Variants in AFF3 observed in about 807,000 individuals in gnomAD.
AFF3 encodes ALF transcription elongation factor 3.
A neutral mutation model predicts 129.7 loss-of-function variants in AFF3; 32 were observed. That is an observed-to-expected ratio of 0.25 (90% CI 0.19 to 0.33). The LOEUF (loss-of-function observed/expected upper bound fraction) is 0.33. Ranked by LOEUF, AFF3 falls within the 10% of genes least tolerant of loss-of-function variation. The pLI, the probability that AFF3 is intolerant of heterozygous loss-of-function variation, is 1.00. For synonymous variants in AFF3, 644 were observed against 635.4 expected, an observed-to-expected ratio of 1.01 and a Z score of -0.20; for missense variants, 1,373 against 1,592.0, an observed-to-expected ratio of 0.86 and a Z score of 2.34.
intron 4 of AFF3, among the ~76,000 whole-genome samples, chr2:100,061,173 T>A (rs1045139652): frequency 6.6e-6 from 1 of 152,196 alleles, no homozygotes. Context: ...TCTAAGTTAC[T>A]TTCTTTCCTT....
Position 99,963,369 on chromosome 2 carries a change from T to C in AFF3, c.873+43263A>G, listed in dbSNP as rs116577482. Among the ~76,000 whole-genome samples, 581 of 152,242 alleles carry C rather than the reference T, an allele frequency of 3.8e-3. 5 individuals carry two copies. Among genetic ancestry groups the C allele is most frequent in the African/African-American group, 0.013 (545 of 41,552 alleles). Reference sequence around the variant, plus strand: ...TAAAAGAACATCAGAATGGCTAAAATTGATGGTTGAAGCAAAAATTATTGC... The same window carrying C: ...TAAAAGAACATCAGAATGGCTAAAACTGATGGTTGAAGCAAAAATTATTGC... On this transcript the variant is annotated intron_variant, in intron 7 of 24. Transcript: ENST00000672756.
chr2:99,891,415 C>T (rs1304625134), intron 7 of AFF3, among the ~76,000 whole-genome samples: 5 of 152,102 alleles, frequency 3.3e-5, no homozygotes, highest in Non-Finnish European at 7.3e-5. Flanking sequence ...GTCAAAGCTT[C>T]AAAATGCAGA....
intron 8 of AFF3, among the ~76,000 whole-genome samples, chr2:99,803,660 C>T (rs1338614959): frequency 6.6e-6 from 1 of 152,170 alleles, no homozygotes; most frequent in Admixed American, 6.5e-5. Context: ...CCAGAGGCAT[C>T]ACACGACATG....
intron 4 of AFF3, among the ~76,000 whole-genome samples, chr2:100,029,866 A>C (rs1559071245): frequency 6.6e-6 from 1 of 152,092 alleles, no homozygotes; most frequent in Non-Finnish European, 1.5e-5. Context: ...GGAGTTTCAG[A>C]CCAGCCTGAG....
At chr2:99,932,698 T>A (rs920417251) in intron 7 of AFF3, among the ~76,000 whole-genome samples, 5 of 152,158 alleles carry the variant, frequency 3.3e-5, no homozygotes, top group Non-Finnish European at 7.3e-5. Context: ...AGGGACTGCG[T>A]CTTGAATTCA....
chr2:99,811,100 T>C (rs1406444950), intron 8 of AFF3, among the ~76,000 whole-genome samples: 4 of 152,218 alleles, frequency 2.6e-5, no homozygotes, highest in Non-Finnish European at 5.9e-5. Flanking sequence ...GATTAGGACA[T>C]GGGAGGGACG....
chr2:99,743,295 AT>A (rs1680874151), intron 10 of AFF3, among the ~76,000 whole-genome samples: 1 of 152,152 alleles, frequency 6.6e-6, no homozygotes, highest in Non-Finnish European at 1.5e-5. Context: ...TCTCCGGCCC[AT>A]TTGCCTCACA....
At chr2:100,106,150 C>T in intron 2 of AFF3, 7 of 1,227,212 alleles carry the variant, frequency 5.7e-6, no homozygotes, top group Non-Finnish European at 7.3e-6. Context: ...GCCTGGCTCC[C>T]TTCTTCCCCC....
chr2:99,568,130 G>A (rs1275490194), intron 19 of AFF3, among the ~76,000 whole-genome samples: 2 of 152,158 alleles, frequency 1.3e-5, no homozygotes, highest in African/African-American at 4.8e-5. Context: ...GAAGGTCACT[G>A]GAAATGCCTT....
intron 7 of AFF3, among the ~76,000 whole-genome samples, chr2:99,907,549 T>G (rs1694803218): frequency 2.0e-5 from 3 of 152,090 alleles, no homozygotes; most frequent in Non-Finnish European, 2.9e-5. Context: ...ATTCTTTTTT[T>G]TTTTTTCTCA....
At chr2:99,928,011 C>A (rs575202561) in intron 7 of AFF3, among the ~76,000 whole-genome samples, 29 of 152,254 alleles carry the variant, frequency 1.9e-4, no homozygotes, top group African/African-American at 7.0e-4. Context: ...AGTTCCCCTA[C>A]ACAAGCTCTC....
At chr2:99,624,939 C>T (rs537760553) in intron 13 of AFF3, among the ~76,000 whole-genome samples, 35 of 152,270 alleles carry the variant, frequency 2.3e-4, no homozygotes, top group Non-Finnish European at 3.4e-4. Context: ...CCAAACAGGC[C>T]CAGTGCTTGC....
At chr2:100,105,308 C>T in intron 3 of AFF3, 196 bp downstream of exon 3, 2 of 1,194,608 alleles carry the variant, frequency 1.7e-6, no homozygotes, top group Non-Finnish European at 2.1e-6. Context: ...GTGAGCTGTG[C>T]CGCCCGCAGC....
intron 11 of AFF3, among the ~76,000 whole-genome samples, chr2:99,696,132 A>ATT (rs200434691): frequency 2.0e-5 from 3 of 148,494 alleles, no homozygotes; most frequent in African/African-American, 7.4e-5. Flanking sequence ...AAAATTGATT[A>ATT]TTTTTTTTTT....
intron 8 of AFF3, among the ~76,000 whole-genome samples, chr2:99,771,152 G>T (rs1683443415): frequency 6.6e-6 from 1 of 152,164 alleles, no homozygotes; most frequent in Admixed American, 6.5e-5. Context: ...GCAAACTAAT[G>T]CAGGAACAGA....
At chr2:99,672,248 GA>G (rs1281740761) in intron 12 of AFF3, among the ~76,000 whole-genome samples, 50 of 119,714 alleles carry the variant, frequency 4.2e-4, no homozygotes, top group East Asian at 1.8e-3. Context: ...AAATAAAAAA[GA>G]AAAAAAAAAG....
intron 4 of AFF3, among the ~76,000 whole-genome samples, chr2:100,056,063 TCACACACA>T (rs369771394): frequency 2.5e-5 from 3 of 120,570 alleles, no homozygotes; most frequent in Admixed American, 8.4e-5. Context: ...TGTCTCTCTC[TCACACACA>T]CACACACACA....
intron 8 of AFF3, among the ~76,000 whole-genome samples, chr2:99,836,743 G>A (rs1688906233): frequency 6.6e-6 from 1 of 151,386 alleles, no homozygotes; most frequent in African/African-American, 2.4e-5. Context: ...CATACCATCT[G>A]GCCTAATTTG....
At chr2:99,827,066 C>T (rs1334814188) in intron 8 of AFF3, among the ~76,000 whole-genome samples, 1 of 152,104 alleles carries the variant, frequency 6.6e-6, no homozygotes, top group African/African-American at 2.4e-5. Context: ...ATCCAAGCTG[C>T]AGGAAAAGCC....
Sources: allele counts gnomAD v4.1 joint callset (sites outside exome capture counted in the v4.1 genomes callset), GRCh38; gene constraint gnomAD v4.1.1; transcripts MANE v1.5; gene names NCBI Gene and HGNC (gene_info 2026-07-23, HGNC 2026-07-21).